RERE: variants seen among roughly 807,000 people sequenced by gnomAD.
The protein encoded by RERE is arginine-glutamic acid dipeptide repeats protein.
Under a neutral mutation model 146.1 loss-of-function variants are expected in RERE, and 40 were observed. The ratio of observed to expected loss-of-function variants is 0.27; its 90% CI spans 0.21 to 0.36. RERE has a LOEUF of 0.36. RERE is among the 10% of genes least tolerant of loss of function. The pLI, the probability that RERE is intolerant of heterozygous loss-of-function variation, is 1.00. For missense variants in RERE, 1,933 were observed against 2,138.7 expected, an observed-to-expected ratio of 0.90 and a Z score of 1.90; for synonymous variants, 1,003 against 866.0, an observed-to-expected ratio of 1.16 and a Z score of -2.78.
intron 2 of RERE, among the ~76,000 whole-genome samples, chr1:8,626,545 C>A (rs1020232768): frequency 1.3e-5 from 2 of 152,224 alleles, no homozygotes; most frequent in Non-Finnish European, 2.9e-5. Context: ...CCATAAACCA[C>A]AAATGACATC....
At chr1:8,807,636 C>T (rs1315906643) in intron 1 of RERE, among the ~76,000 whole-genome samples, 1 of 152,076 alleles carries the variant, frequency 6.6e-6, no homozygotes, top group East Asian at 1.9e-4. Flanking sequence ...ACCCTGTGTA[C>T]AACTATGAAG....
intron 4 of RERE, among the ~76,000 whole-genome samples, chr1:8,603,481 A>T (rs547227786): frequency 1.9e-4 from 29 of 152,326 alleles, no homozygotes; most frequent in South Asian, 8.3e-4. Flanking sequence ...TTACATCACA[A>T]GCGGCTACTT....
At chr1:8,565,738 A>C (rs1006658181) in intron 4 of RERE, among the ~76,000 whole-genome samples, 4 of 152,192 alleles carry the variant, frequency 2.6e-5, no homozygotes, top group African/African-American at 9.7e-5. Context: ...AAAGGATCTA[A>C]GAATTTTACA....
rs1643947340 is a variant in RERE, at chr1:8,423,527, C to G, written c.1204-720G>C. ...TGCCTCCCGAGCACCCCTCCCCGCC[C>G]CGGTGGGGGCAGCTCCTGGCTCCGA... On this transcript the variant is annotated intron_variant, in intron 11 of 22. Coordinates refer to ENST00000400908, the MANE Select transcript of RERE (RefSeq NM_001042681.2). This position sits in a 1 kb window ranked among gnomAD's most constrained non-coding sequence, Gnocchi z 5.4. 1.0e-6 allele frequency: 1 copy of G among 984,764 alleles called. No individual in the cohort carries two copies. Among genetic ancestry groups the G allele is most frequent in the Admixed American group, 6.1e-5 (1 of 16,274 alleles). The allele number at this position is 984,764 out of a possible 1,614,324, so 61.0% of individuals were successfully genotyped here.
intron 4 of RERE, among the ~76,000 whole-genome samples, chr1:8,564,832 ATGTGTGTGTGTGTGTGTGTGTGTG>A (rs567556868): frequency 2.9e-5 from 4 of 139,016 alleles, no homozygotes; most frequent in Non-Finnish European, 6.2e-5. Context: ...GTATATGTGT[ATGTGTGTGTGTGTGTGTGTGTGTG>A]TGTGTGTGTG....
In RERE at chr1:8,361,207, G is replaced by C; in HGVS notation, c.2300C>G (p.Thr767Arg). The C allele has an allele frequency of 1.3e-6, 2 of 1,508,232 alleles. No homozygotes were observed. The highest frequency in any genetic ancestry group is 1.8e-6 in the Non-Finnish European group (2 of 1,134,566). The allele number at this position is 1,508,232 out of a possible 1,614,324, so 93.4% of individuals were successfully genotyped here. The part of the protein sequence containing the change: ...GTPQLPTPGP[T>R]PSATAVPPQG... ...TGGGGGAACTGCAGTGGCAGAGGGC[G>C]TGGGCCCTGGCGTGGGCAGCTGAGG... The change falls in exon 18 of 23, where the codon ACG (threonine) becomes AGG (arginine). Residue 767 changes from threonine (T) to arginine (R), a missense_variant. Around this residue, in one of 11 missense-constraint regions of RERE, gnomAD observed 1,255 missense variants for 1,153.8 expected, o/e 1.09. Transcript: ENST00000400908.
intron 4 of RERE, among the ~76,000 whole-genome samples, chr1:8,606,576 T>C (rs924423004): frequency 6.6e-6 from 1 of 152,186 alleles, no homozygotes; most frequent in African/African-American, 2.4e-5. Context: ...TAGGCCTTTT[T>C]CCTTCCATCT....
chr1:8,597,785 ATTTT>A (rs34291282), intron 4 of RERE, among the ~76,000 whole-genome samples: 2 of 150,114 alleles, frequency 1.3e-5, no homozygotes, highest in African/African-American at 4.9e-5. Context: ...ATTTCACTGG[ATTTT>A]TTTTTTTTAA....
intron 10 of RERE, among the ~76,000 whole-genome samples, chr1:8,486,281 T>A (rs568211905): frequency 1.3e-5 from 2 of 152,152 alleles, no homozygotes; most frequent in East Asian, 3.9e-4. Flanking sequence ...CCAAGACACA[T>A]CACATGCTCA....
chr1:8,685,448 G>A (rs376622947), intron 1 of RERE, among the ~76,000 whole-genome samples: 1 of 152,048 alleles, frequency 6.6e-6, no homozygotes, highest in Non-Finnish European at 1.5e-5. Context: ...AAGGCCGGGC[G>A]CGGTGGCTCA....
In RERE at chr1:8,353,488, G is replaced by A. The variant is rs1298488350; in HGVS notation, c.*1599C>T. 6.6e-6 allele frequency: 1 copy of A among 152,274 alleles called. No homozygotes were observed. Among genetic ancestry groups the A allele is most frequent in the Non-Finnish European group, 1.5e-5 (1 of 68,078 alleles). The allele number at this position is 152,274 out of a possible 1,614,324, so 9.4% of individuals were successfully genotyped here. On this transcript the variant is annotated 3_prime_UTR_variant, in exon 23 of 23. Coordinates refer to ENST00000400908, the MANE Select transcript of RERE (RefSeq NM_001042681.2). ...TTGGGATGGGACCAGCACAATGGCA[G>A]AAGAGACCTCCAGTGTCTGAGAGAA...
intron 2 of RERE, among the ~76,000 whole-genome samples, chr1:8,639,677 A>G (rs1647150233): frequency 6.6e-6 from 1 of 152,256 alleles, no homozygotes; most frequent in African/African-American, 2.4e-5. Flanking sequence ...AGTGGTAATT[A>G]AACTACTACT....
intron 12 of RERE, among the ~76,000 whole-genome samples, chr1:8,378,867 T>A (rs1325377938): frequency 1.3e-5 from 2 of 152,168 alleles, no homozygotes; most frequent in Non-Finnish European, 2.9e-5. Context: ...CCCTGGGCTG[T>A]GAGACGGGGC....
intron 6 of RERE, among the ~76,000 whole-genome samples, chr1:8,545,030 T>A (rs1645841552): frequency 6.6e-6 from 1 of 152,226 alleles, no homozygotes; most frequent in East Asian, 1.9e-4. Flanking sequence ...GTATTCAGTG[T>A]TTTTTATCAG....
chr1:8,600,439 C>G (rs1292921175), intron 4 of RERE, among the ~76,000 whole-genome samples: 1 of 152,214 alleles, frequency 6.6e-6, no homozygotes, highest in Non-Finnish European at 1.5e-5. Context: ...GTTAAGAAAT[C>G]TGCTCAGTAT....
intron 17 of RERE, 121 bp downstream of exon 17, chr1:8,361,642 C>G (rs1570040660): frequency 1.6e-5 from 21 of 1,326,824 alleles, no homozygotes; most frequent in Middle Eastern, 1.9e-4. Context: ...CAGCCAGTGT[C>G]AAAGGCCACT....
intron 1 of RERE, among the ~76,000 whole-genome samples, chr1:8,766,052 G>A (rs887444030): frequency 5.9e-4 from 90 of 152,182 alleles, no homozygotes; most frequent in African/African-American, 2.1e-3. Context: ...GGCAGAGGTT[G>A]CAGTGAGCTG....
chr1:8,547,087 TA>T (rs149634313), intron 6 of RERE, among the ~76,000 whole-genome samples: 224 of 143,244 alleles, frequency 1.6e-3, no homozygotes, highest in Admixed American at 3.1e-3. Flanking sequence ...GCTTTTTTTT[TA>T]AAAAAAAAAA....
At chr1:8,630,018 C>T (rs1647016513) in intron 2 of RERE, among the ~76,000 whole-genome samples, 1 of 152,164 alleles carries the variant, frequency 6.6e-6, no homozygotes, top group African/African-American at 2.4e-5. Context: ...TTCTGTTTCT[C>T]CTCTACATGA....
Sources: allele counts gnomAD v4.1 joint callset (sites outside exome capture counted in the v4.1 genomes callset), GRCh38; gene constraint gnomAD v4.1.1; regional missense constraint gnomAD v4.1.1; non-coding constraint Gnocchi (gnomAD v3.1); transcripts MANE v1.5; gene names NCBI Gene and HGNC (gene_info 2026-07-23, HGNC 2026-07-21).